The following IFFO1 variants were observed in gnomAD, a reference collection of about 807,000 sequenced individuals.
The protein encoded by IFFO1 is intermediate filament family orphan 1, also known as non-homologous end joining factor IFFO1.
Under a neutral mutation model 59.6 loss-of-function variants are expected in IFFO1, and 42 were observed. The ratio of observed to expected loss-of-function variants is 0.70; its 90% CI spans 0.55 to 0.91. IFFO1 has a LOEUF of 0.91. Ranked by LOEUF, IFFO1 falls within the 40% of genes least tolerant of loss-of-function variation. The probability of loss-of-function intolerance (pLI) is 0.00; values close to 1 mark genes in which losing one functional copy is unlikely to be tolerated. For synonymous variants in IFFO1, 336 were observed against 342.8 expected (o/e 0.98, Z 0.22); for missense variants, 711 against 793.2 (o/e 0.90, Z 1.24).
At position 6,549,995 on chromosome 12, in the gene IFFO1, C is replaced by T. The variant is rs537194802; in HGVS notation, c.931-99G>A. 6.8e-6 allele frequency: 9 copies of T among 1,320,430 alleles called. No individual in the cohort carries two copies. The Admixed American group carries it at 2.0e-4, about 30-fold the overall frequency. 81.8% of individuals were successfully genotyped at this position (1,320,430 alleles called of 1,614,324 possible). A position where few individuals can be genotyped will look rare whatever the true frequency, so the allele number is the denominator to read the frequency against. ...TCCTCATCCTTCCCACCACATTGCA[C>T]CGGTGCCTCTTCTGTGGAGTCTCCC... On this transcript the variant is annotated intron_variant, in intron 3 of 9. Coordinates refer to ENST00000619571, the MANE Select transcript of IFFO1 (RefSeq NM_001193457.2). This position sits in a 1 kb window ranked among gnomAD's most constrained non-coding sequence, Gnocchi z 5.0.
rs902620419 is a variant in IFFO1, at chr12:6,549,047, C to A, written c.1081-198G>T. On this transcript the variant is annotated intron_variant, in intron 5 of 9. Transcript: ENST00000619571. This position sits in a 1 kb window ranked among gnomAD's most constrained non-coding sequence, Gnocchi z 5.0. ...CACAGCGGGGGTCAGGGCTGCAAAC[C>A]GAGAAGGCAGAACAAGAAGAAATCG... is the stretch of plus-strand genomic sequence containing the variant. 2 of 595,418 alleles carry A rather than the reference C, an allele frequency of 3.4e-6. No individual in the cohort carries two copies. Among genetic ancestry groups the A allele is most frequent in the African/African-American group, 3.7e-5 (2 of 53,556 alleles). 36.9% of individuals were successfully genotyped at this position (595,418 alleles called of 1,614,324 possible).
Position 6,555,558 on chromosome 12 carries a change from A to G in IFFO1, c.472T>C (p.Ser158Pro). The G allele has an allele frequency of 6.8e-7, 1 of 1,480,220 alleles. No individual in the cohort carries two copies. The highest frequency in any genetic ancestry group is 8.9e-7 in the Non-Finnish European group (1 of 1,122,968). 91.7% of individuals were successfully genotyped at this position (1,480,220 alleles called of 1,614,324 possible). The change falls in exon 1 of 10, where the codon TCG becomes CCG. Residue 158 changes from serine (S) to proline (P), a missense_variant. This residue lies in a region of IFFO1 where 579 missense variants were observed against 650.3 expected (regional missense o/e 0.89). Transcript: ENST00000619571. This position sits in a 1 kb window ranked among gnomAD's most constrained non-coding sequence, Gnocchi z 8.6. ...VCSPSARVLG[S>P]PARSPAGPLA... Reference sequence around the variant, plus strand: ...GGGCCGGCCGGGGAGCGCGCGGGCGAGCCCAGCACGCGCGCCGAAGGGCTG... The same window carrying G: ...GGGCCGGCCGGGGAGCGCGCGGGCGGGCCCAGCACGCGCGCCGAAGGGCTG...
Position 6,548,613 on chromosome 12 carries a change from G to C in IFFO1, c.1262+55C>G. ...TCCTGGCGGGGGACTGGGGAGCTCCGGCCTCCTGGGCTGCTGTGGCGTCGG... is the reference window on the plus strand; with the variant it reads ...TCCTGGCGGGGGACTGGGGAGCTCCCGCCTCCTGGGCTGCTGTGGCGTCGG... On this transcript the variant is annotated intron_variant, in intron 6 of 9. Coordinates refer to ENST00000619571, the MANE Select transcript of IFFO1 (RefSeq NM_001193457.2). The surrounding 1 kb of genome is among the most constrained non-coding windows in gnomAD (Gnocchi z 6.1). 1 of 1,613,562 alleles carries C rather than the reference G, an allele frequency of 6.2e-7. No homozygotes were observed. The highest frequency in any genetic ancestry group is 1.1e-5 in the South Asian group (1 of 91,046).
chr12:6,544,168 T>TTC (rs1946846991), intron 8 of IFFO1, among the ~76,000 whole-genome samples: 1 of 135,454 alleles, frequency 7.4e-6, no homozygotes, highest in South Asian at 2.1e-4. Context: ...GAAAATACTT[T>TTC]TTTTTTTTTT....
Position 6,555,433 on chromosome 12 carries a change from G to T in IFFO1, c.597C>A (p.Phe199Leu). 1.9e-6 allele frequency: 3 copies of T among 1,613,892 alleles called. No homozygotes were observed. The highest frequency in any genetic ancestry group is 2.5e-6 in the Non-Finnish European group (3 of 1,179,900). Residue 199 changes from phenylalanine (F) to leucine (L), a missense_variant, in exon 1 of 10, where the codon TTC becomes TTA. By Grantham distance (22) the Phe-to-Leu change is conservative. This residue lies in a region of IFFO1 where 579 missense variants were observed against 650.3 expected (regional missense o/e 0.89). Transcript: ENST00000619571. The surrounding 1 kb of genome is among the most constrained non-coding windows in gnomAD (Gnocchi z 8.6). ...CCGGCCCGAGCCGGCGGGCGTGCGAGAACGACCAGATGGTGCCGGGCATGA... is the reference window on the plus strand; with the variant it reads ...CCGGCCCGAGCCGGCGGGCGTGCGATAACGACCAGATGGTGCCGGGCATGA... ...ARFMPGTIWS[F>L]SHARRLGPGL...
At chr12:6,547,392 A>AAAAGAAAGAAAG (rs138452442) in intron 8 of IFFO1, among the ~76,000 whole-genome samples, 24 of 150,730 alleles carry the variant, frequency 1.6e-4, no homozygotes, top group African/African-American at 5.9e-4. Context: ...CTGTCTCAAA[A>AAAAGAAAGAAAG]AAAGAAAGAA....
chr12:6,550,664 C>T (rs1436135686), intron 3 of IFFO1, 31 bp downstream of exon 3: 29 of 1,580,950 alleles, frequency 1.8e-5, no homozygotes, highest in Admixed American at 8.4e-5. Context: ...AGCCTCACTT[C>T]GACCCTCGGG....
In IFFO1 at chr12:6,548,101, C is replaced by A. The variant is rs754613032; in HGVS notation, c.1443G>T (p.Arg481=). Reference sequence around the variant, plus strand: ...CAATGGTCTCCTGATACTCCTTCTCCCGGGTTTTGAACAGGGACTCCGTAT... The same window carrying A: ...CAATGGTCTCCTGATACTCCTTCTCACGGGTTTTGAACAGGGACTCCGTAT... ...IKDTESLFKT[R]EKEYQETIDQ... The change falls in exon 8 of 10, where the codon CGG becomes CGT. Residue 481 remains arginine (R), a synonymous_variant. Transcript: ENST00000619571. The surrounding 1 kb of genome is among the most constrained non-coding windows in gnomAD (Gnocchi z 6.1). 2.5e-6 allele frequency: 4 copies of A among 1,613,920 alleles called. No individual in the cohort carries two copies. The highest frequency in any genetic ancestry group is 1.3e-5 in the African/African-American group (1 of 74,884).
Position 6,555,320 on chromosome 12 carries a change from T to C in IFFO1, c.710A>G (p.Glu237Gly). Reference sequence around the variant, plus strand: ...CAGCACGTTGTAGAGAGCGCGGATCTCGGGCGTGATGGTGTCGATCTGGAC... The same window carrying C: ...CAGCACGTTGTAGAGAGCGCGGATCCCGGGCGTGATGGTGTCGATCTGGAC... The part of the protein sequence containing the change: ...VGVQIDTITP[E>G]IRALYNVLAK... The change falls in exon 1 of 10, where the codon GAG becomes GGG. Residue 237 changes from glutamate to glycine, a missense_variant. By Grantham distance (98) the Glu-to-Gly change is moderately conservative. Around this residue, in one of 3 missense-constraint regions of IFFO1, gnomAD observed 579 missense variants for 650.3 expected, o/e 0.89. Transcript: ENST00000619571. This position sits in a 1 kb window ranked among gnomAD's most constrained non-coding sequence, Gnocchi z 8.6. 1 of 1,614,146 alleles carries C rather than the reference T, an allele frequency of 6.2e-7. No homozygotes were observed. Among genetic ancestry groups the C allele is most frequent in the Non-Finnish European group, 8.5e-7 (1 of 1,180,018 alleles).
intron 1 of IFFO1, chr12:6,551,805 G>C: frequency 3.3e-6 from 1 of 306,778 alleles, no homozygotes; most frequent in Non-Finnish European, 6.5e-6. Context: ...AGAATTCAGA[G>C]ATTAAGACTG....
Position 6,541,629 on chromosome 12 carries a change from G to T in IFFO1, c.1493C>A (p.Thr498Lys). Residue 498 changes from threonine to lysine, a missense_variant, in exon 9 of 10, where the codon ACG (threonine) becomes AAG (lysine). Thr to Lys is a moderately conservative substitution (Grantham distance 78, BLOSUM62 -1). Around this residue, in one of 3 missense-constraint regions of IFFO1, gnomAD observed 579 missense variants for 650.3 expected, o/e 0.89. Coordinates refer to ENST00000619571, the MANE Select transcript of IFFO1 (RefSeq NM_001193457.2). This position sits in a 1 kb window ranked among gnomAD's most constrained non-coding sequence, Gnocchi z 4.8. ...GTGCCGGTTCATGTCGTTCTTGGCC[G>T]TGGCCAACTCCAGCTGTGGTGGGGC... ...TIDQIELELA[T>K]AKNDMNRHLH... 1 of 1,614,004 alleles carries T rather than the reference G, an allele frequency of 6.2e-7. No homozygotes were observed. The highest frequency in any genetic ancestry group is 8.5e-7 in the Non-Finnish European group (1 of 1,180,000).
At position 6,540,501 on chromosome 12, in the gene IFFO1, A is replaced by G; in HGVS notation, c.1698T>C (p.Ser566=). Residue 566 remains serine, a synonymous_variant, in exon 10 of 10, where the codon TCT becomes TCC. Transcript: ENST00000619571. ...CAGGTCTCTATCTCATGGAGCTGTC[A>G]GATGAGACATCGCGATCGGAGTCCT... The part of the protein sequence containing the change: ...EAEDSDRDVS[S]DSSMR The G allele has an allele frequency of 6.2e-7, 1 of 1,613,960 alleles. No individual in the cohort carries two copies. The highest frequency in any genetic ancestry group is 1.1e-5 in the South Asian group (1 of 91,082).
At position 6,541,021 on chromosome 12, in the gene IFFO1, CAA is replaced by C. The variant is rs34135055; in HGVS notation, c.1611-435_1611-434del. Among the ~76,000 whole-genome samples the C allele has an allele frequency of 2.7e-4, 36 of 133,032 alleles. No individual in the cohort carries two copies. The highest frequency in any genetic ancestry group is 2.3e-4 in the Non-Finnish European group (14 of 62,186). The allele number at this position is 133,032 out of a possible 152,430, so 87.3% of individuals were successfully genotyped here. ...CTGGGAGGCGGAGGTTGTAGTGAGC[CAA>C]AAAAAAAAAAAAAAGAAATAGCTGA... On this transcript the variant is annotated intron_variant, in intron 9 of 9. Coordinates refer to ENST00000619571, the MANE Select transcript of IFFO1 (RefSeq NM_001193457.2). This position sits in a 1 kb window ranked among gnomAD's most constrained non-coding sequence, Gnocchi z 4.8.
chr12:6,542,253 G>C lies in IFFO1; in HGVS notation c.1480-611C>G, dbSNP rs116013640. 8.4e-3 allele frequency among the ~76,000 whole-genome samples: 1,275 copies of C among 152,298 alleles called. 11 individuals are homozygous for C. Among genetic ancestry groups the C allele is most frequent in the African/African-American group, 0.028 (1,183 of 41,550 alleles). ...AAAGGAAGACTCCCATATTGGAGGT[G>C]CCATTGATTCTGAGACCTGTCCTGA... On this transcript the variant is annotated intron_variant, in intron 8 of 9. Transcript: ENST00000619571.
chr12:6,554,474 G>T (rs894835550), intron 1 of IFFO1, among the ~76,000 whole-genome samples: 1 of 152,166 alleles, frequency 6.6e-6, no homozygotes, highest in Non-Finnish European at 1.5e-5. Context: ...CCTTGGGGCC[G>T]GGCTCCTCTC....
Position 6,555,346 on chromosome 12 carries a change from G to T in IFFO1, c.684C>A (p.Gly228=). ...CGGGCGTGATGGTGTCGATCTGGACGCCCACCCCATCCGGGTGCACCCACG... is the reference window on the plus strand; with the variant it reads ...CGGGCGTGATGGTGTCGATCTGGACTCCCACCCCATCCGGGTGCACCCACG... ...GLSWVHPDGV[G]VQIDTITPEI... The change falls in exon 1 of 10, where the codon GGC becomes GGA. Residue 228 remains glycine (G), a synonymous_variant. Coordinates refer to ENST00000619571, the MANE Select transcript of IFFO1 (RefSeq NM_001193457.2). This position sits in a 1 kb window ranked among gnomAD's most constrained non-coding sequence, Gnocchi z 8.6. The T allele has an allele frequency of 1.2e-6, 2 of 1,614,174 alleles. No homozygotes were observed. Among genetic ancestry groups the T allele is most frequent in the Non-Finnish European group, 1.7e-6 (2 of 1,180,012 alleles).
In IFFO1 at chr12:6,548,066, T is replaced by C. The variant is rs2136118963; in HGVS notation, c.1478A>G (p.Glu493Gly). The C allele has an allele frequency of 6.2e-7, 1 of 1,612,102 alleles. No individual in the cohort carries two copies. Among genetic ancestry groups the C allele is most frequent in the East Asian group, 2.2e-5 (1 of 44,858 alleles). ...CCTGGCTTCCGCTCCTGCCCTTACC[T>C]CTATCTGGTCAATGGTCTCCTGATA... ...KEYQETIDQI[E>G]LELATAKNDM... The change falls in exon 8 of 10, where the codon GAG becomes GGG. Residue 493 changes from glutamate (E) to glycine (G), a missense_variant and splice_region_variant. Physicochemically the swap from Glu to Gly is moderately conservative, Grantham distance 98. Around this residue, in one of 3 missense-constraint regions of IFFO1, gnomAD observed 579 missense variants for 650.3 expected, o/e 0.89. Transcript: ENST00000619571. The surrounding 1 kb of genome is among the most constrained non-coding windows in gnomAD (Gnocchi z 6.1).
Position 6,549,964 on chromosome 12 carries a change from G to A in IFFO1, c.931-68C>T. The A allele has an allele frequency of 2.6e-6, 4 of 1,521,570 alleles. No homozygotes were observed. The highest frequency in any genetic ancestry group is 3.6e-6 in the Non-Finnish European group (4 of 1,121,578). 94.3% of individuals were successfully genotyped at this position (1,521,570 alleles called of 1,614,324 possible). On this transcript the variant is annotated intron_variant, in intron 3 of 9. Transcript: ENST00000619571. The surrounding 1 kb of genome is among the most constrained non-coding windows in gnomAD (Gnocchi z 5.0). ...TCCAGACAAGGACGAATTAGGCCTG[G>A]CAAGGTCCTCATCCTTCCCACCACA...
rs558992361 is a variant in IFFO1, at chr12:6,545,640, G to C, written c.1479+2425C>G. ...GTGAACCCAGGAGGTGGAGCTTGCA[G>C]TGAGCCGAGTTCAAGCCACTGCACT... On this transcript the variant is annotated intron_variant, in intron 8 of 9. Coordinates refer to ENST00000619571, the MANE Select transcript of IFFO1 (RefSeq NM_001193457.2). 1.6e-4 allele frequency among the ~76,000 whole-genome samples: 25 copies of C among 151,960 alleles called. No individual in the cohort carries two copies. The South Asian group carries it at 5.2e-3, about 31-fold the overall frequency.
Sources: gnomAD v4.1 joint callset for allele counts (sites outside exome capture counted in the v4.1 genomes callset) on GRCh38, gnomAD v4.1.1 for gene constraint, gnomAD v4.1.1 regional missense constraint, Gnocchi (gnomAD v3.1) non-coding constraint, MANE v1.5 for transcripts, NCBI Gene and HGNC (gene_info 2026-07-23, HGNC 2026-07-21) for gene names.